Variants in BCL2 observed in about 807,000 individuals in gnomAD.
BCL2 encodes BCL2 apoptosis regulator.
In BCL2, 1 loss-of-function variant was observed where a neutral mutation model predicts 14.2. The ratio of observed to expected loss-of-function variants is 0.07; its 90% CI spans 0.02 to 0.33. The LOEUF (loss-of-function observed/expected upper bound fraction) is 0.33, where lower values mean the gene tolerates loss of function less well. Among genes scored for constraint, BCL2 ranks in the 10% least tolerant of loss-of-function variants. The pLI is 0.99. For synonymous variants in BCL2, 151 were observed against 137.2 expected (o/e 1.10, Z -0.70); for missense variants, 247 against 305.9 (o/e 0.81, Z 1.44).
At chr18:63,231,776 C>T (rs1254158456) in intron 2 of BCL2, among the ~76,000 whole-genome samples, 7 of 152,126 alleles carry the variant, frequency 4.6e-5, no homozygotes, top group South Asian at 2.1e-4. Flanking sequence ...AAAATTAATA[C>T]ATAAATTGAA....
At chr18:63,297,942 C>T (rs1912847116) in intron 2 of BCL2, among the ~76,000 whole-genome samples, 1 of 152,176 alleles carries the variant, frequency 6.6e-6, no homozygotes, top group Non-Finnish European at 1.5e-5. Context: ...ATCCGTATTC[C>T]TGTGAAATCA....
intron 2 of BCL2, among the ~76,000 whole-genome samples, chr18:63,216,400 T>TA (rs35457535): frequency 0.52 from 69,858 of 134,788 alleles, 19,658 homozygotes; most frequent in Non-Finnish European, 0.65. Flanking sequence ...AAATGTTTTC[T>TA]AAAAAAAAAA....
intron 2 of BCL2, among the ~76,000 whole-genome samples, chr18:63,198,045 T>G (rs1327983492): frequency 6.6e-6 from 1 of 152,218 alleles, no homozygotes; most frequent in Admixed American, 6.5e-5. Flanking sequence ...AAGTAGTTTA[T>G]TTGTTTTCAC....
intron 2 of BCL2, among the ~76,000 whole-genome samples, chr18:63,260,310 T>A (rs920264916): frequency 1.3e-5 from 2 of 152,206 alleles, no homozygotes; most frequent in Non-Finnish European, 2.9e-5. Context: ...AACGGAGGCA[T>A]AGTTCCCTAG....
chr18:63,258,217 C>T lies in BCL2; in HGVS notation c.585+59865G>A, dbSNP rs1444651444. Reference sequence around the variant, plus strand: ...CAGAACAAGTGTGGCCATGCTGGCACCTTGATTACAGACTTCCAGCCCTCA... The same window carrying T: ...CAGAACAAGTGTGGCCATGCTGGCATCTTGATTACAGACTTCCAGCCCTCA... On this transcript the variant is annotated intron_variant, in intron 2 of 2. Coordinates refer to ENST00000333681, the MANE Select transcript of BCL2 (RefSeq NM_000633.3). 8.5e-5 allele frequency among the ~76,000 whole-genome samples: 13 copies of T among 152,284 alleles called. No homozygotes were observed. In the East Asian group the frequency reaches 2.5e-3, roughly 29 times the overall value.
At position 63,123,839 on chromosome 18, in the gene BCL2, C is replaced by T. The variant is rs4987867; in HGVS notation, c.*4786G>A. 1,000 of 217,852 alleles carry T rather than the reference C, an allele frequency of 4.6e-3. 10 individuals carry two copies. The highest frequency in any genetic ancestry group is 0.021 in the African/African-American group (925 of 44,520). 13.5% of individuals were successfully genotyped at this position (217,852 alleles called of 1,614,324 possible). On this transcript the variant is annotated 3_prime_UTR_variant, in exon 3 of 3. Transcript: ENST00000333681. ...TGAAATGAGCTATCTGGAGGGCCCA[C>T]GGCAGATTTTCCAAAAGGTTTAGGT...
chr18:63,296,349 G>C (rs1216191997), intron 2 of BCL2, among the ~76,000 whole-genome samples: 1 of 152,082 alleles, frequency 6.6e-6, no homozygotes, highest in Non-Finnish European at 1.5e-5. Context: ...CCAGGCTGGA[G>C]TGGAGTGGCA....
At chr18:63,140,529 G>C (rs992816235) in intron 2 of BCL2, among the ~76,000 whole-genome samples, 15 of 152,226 alleles carry the variant, frequency 9.9e-5, no homozygotes, top group African/African-American at 3.6e-4. Context: ...ATGAGGCCAA[G>C]TGAAGGATCC....
intron 2 of BCL2, among the ~76,000 whole-genome samples, chr18:63,169,332 C>CTTTCTTTCTTTCTTT (rs1555697348): frequency 2.2e-4 from 8 of 35,768 alleles, no homozygotes; most frequent in East Asian, 3.5e-3. Context: ...TCTTTCCTTT[C>CTTTCTTTCTTTCTTT]CTTCCTTTCT....
intron 2 of BCL2, among the ~76,000 whole-genome samples, chr18:63,205,369 C>T (rs1003053168): frequency 3.9e-5 from 6 of 152,166 alleles, no homozygotes; most frequent in African/African-American, 7.2e-5. Flanking sequence ...AGCATCTTGC[C>T]GGGCACAGAA....
At chr18:63,310,658 G>T (rs999908074) in intron 2 of BCL2, among the ~76,000 whole-genome samples, 1 of 152,030 alleles carries the variant, frequency 6.6e-6, no homozygotes, top group Non-Finnish European at 1.5e-5. Flanking sequence ...CTCAATAAAT[G>T]TTTTTTTCAA....
intron 2 of BCL2, among the ~76,000 whole-genome samples, chr18:63,223,437 C>A: frequency 6.6e-6 from 1 of 151,790 alleles, no homozygotes; most frequent in African/African-American, 2.4e-5. Flanking sequence ...GTGAGGGAAA[C>A]TGTTTAAGAA....
At chr18:63,239,378 T>A (rs553674148) in intron 2 of BCL2, among the ~76,000 whole-genome samples, 2 of 152,348 alleles carry the variant, frequency 1.3e-5, no homozygotes, top group South Asian at 4.1e-4. Context: ...ACAATGTCTG[T>A]CTGCATCCAA....
intron 2 of BCL2, among the ~76,000 whole-genome samples, chr18:63,169,187 G>A (rs1915121921): frequency 6.6e-6 from 1 of 151,858 alleles, no homozygotes; most frequent in Admixed American, 6.6e-5. Context: ...TGGGCGGTCA[G>A]AAACAACAGG....
intron 2 of BCL2, among the ~76,000 whole-genome samples, chr18:63,273,995 C>T (rs369936983): frequency 3.3e-4 from 51 of 152,242 alleles, no homozygotes; most frequent in African/African-American, 1.1e-3. Context: ...CTTTTGGAAA[C>T]TCTCTGGACA....
rs1913897879 is a variant in BCL2, at chr18:63,125,854, A to G, written c.*2771T>C. On this transcript the variant is annotated 3_prime_UTR_variant, in exon 3 of 3. Transcript: ENST00000333681. ...GGGCACATTTACTGTTATTAAAACC[A>G]GGTAACAAAACCCCACAGCAAAAGG... 4.6e-6 allele frequency: 1 copy of G among 216,972 alleles called. No homozygotes were observed. Among genetic ancestry groups the G allele is most frequent in the East Asian group, 6.7e-5 (1 of 14,868 alleles). 13.4% of individuals were successfully genotyped at this position (216,972 alleles called of 1,614,324 possible). A position where few individuals can be genotyped will look rare whatever the true frequency, so the allele number is the denominator to read the frequency against.
At chr18:63,269,640 A>T (rs1244498191) in intron 2 of BCL2, among the ~76,000 whole-genome samples, 3 of 152,208 alleles carry the variant, frequency 2.0e-5, no homozygotes, top group Non-Finnish European at 2.9e-5. Context: ...GCTTTTGGTA[A>T]AAAGCAACAT....
intron 2 of BCL2, among the ~76,000 whole-genome samples, chr18:63,299,941 C>G (rs1016417844): frequency 5.3e-5 from 8 of 151,876 alleles, no homozygotes; most frequent in Admixed American, 1.3e-4. Context: ...GTTTGTGTGT[C>G]TGTTTCCCCA....
At chr18:63,165,877 C>T (rs745745835) in intron 2 of BCL2, among the ~76,000 whole-genome samples, 7 of 152,218 alleles carry the variant, frequency 4.6e-5, no homozygotes, top group Admixed American at 1.3e-4. Context: ...AGAGTTCACT[C>T]CCAGGTTGGG....
Sources: allele counts gnomAD v4.1 joint callset (sites outside exome capture counted in the v4.1 genomes callset), GRCh38; gene constraint gnomAD v4.1.1; transcripts MANE v1.5; gene names NCBI Gene and HGNC (gene_info 2026-07-23, HGNC 2026-07-21).